SLC44A5: variants seen among roughly 807,000 people sequenced by gnomAD.
The protein encoded by SLC44A5 is solute carrier family 44 member 5.
A neutral mutation model predicts 101.8 loss-of-function variants in SLC44A5; 57 were observed. The ratio of observed to expected loss-of-function variants is 0.56; its 90% confidence interval spans 0.45 to 0.70. SLC44A5 has a LOEUF of 0.70. Among genes scored for constraint, SLC44A5 ranks in the 30% least tolerant of loss-of-function variants. SLC44A5 has a pLI of 0.00. For synonymous variants in SLC44A5, 281 were observed against 290.9 expected (o/e 0.97, Z 0.35); for missense variants, 737 against 853.1 (o/e 0.86, Z 1.70).
intron 1 of SLC44A5, among the ~76,000 whole-genome samples, chr1:75,609,843 C>A (rs1675548597): frequency 6.6e-6 from 1 of 151,968 alleles, no homozygotes; most frequent in Non-Finnish European, 1.5e-5. Context: ...GTTATGTAAC[C>A]TATTACCCCC....
At chr1:75,233,102 C>G (rs902625901) in intron 12 of SLC44A5, among the ~76,000 whole-genome samples, 2 of 152,126 alleles carry the variant, frequency 1.3e-5, no homozygotes, top group African/African-American at 2.4e-5. Flanking sequence ...GTGGTATATA[C>G]TGTTCCACGT....
chr1:75,675,457 G>A, the SLC44A5 span, among the ~76,000 whole-genome samples: 2 of 152,092 alleles, frequency 1.3e-5, no homozygotes, highest in Non-Finnish European at 2.9e-5. Context: ...TTTGCACATT[G>A]ATTTTGTATC....
chr1:75,644,000 T>C, the SLC44A5 span, among the ~76,000 whole-genome samples: 5 of 152,360 alleles, frequency 3.3e-5, no homozygotes, highest in East Asian at 9.6e-4. Flanking sequence ...AAAACACTTG[T>C]CTATGATAGA....
At chr1:75,342,558 G>A (rs986975866) in intron 3 of SLC44A5, among the ~76,000 whole-genome samples, 10 of 152,230 alleles carry the variant, frequency 6.6e-5, no homozygotes, top group South Asian at 2.1e-4. Context: ...AACAAAGCCT[G>A]TGTTGAACCA....
chr1:75,389,851 T>C (rs756231729), intron 3 of SLC44A5, among the ~76,000 whole-genome samples: 16 of 151,826 alleles, frequency 1.1e-4, no homozygotes, highest in Non-Finnish European at 2.4e-4. Flanking sequence ...CCAAAATTCA[T>C]TAAAAAGGAT....
intron 3 of SLC44A5, among the ~76,000 whole-genome samples, chr1:75,376,894 A>G (rs2101217116): frequency 6.6e-6 from 1 of 152,324 alleles, no homozygotes; most frequent in Non-Finnish European, 1.5e-5. Context: ...ACGGGAGGAC[A>G]TTCAAACCAA....
At chr1:75,346,102 C>A (rs773970091) in intron 3 of SLC44A5, among the ~76,000 whole-genome samples, 1 of 152,094 alleles carries the variant, frequency 6.6e-6, no homozygotes, top group Non-Finnish European at 1.5e-5. Flanking sequence ...CAGGCAGAAA[C>A]ATGACCCCAC....
Position 75,445,034 on chromosome 1 carries a change from A to G in SLC44A5, c.14-48413T>C, listed in dbSNP as rs148575552. Among the ~76,000 whole-genome samples the G allele has an allele frequency of 5.3e-3, 803 of 152,216 alleles. 6 individuals carry two copies. Among genetic ancestry groups the G allele is most frequent in the African/African-American group, 0.018 (755 of 41,536 alleles). ...TGAGACATCCTCTCTCTTGATGTAA[A>G]TTCTCTTGGTATTTCCTCATCTCAC... On this transcript the variant is annotated intron_variant, in intron 2 of 23. Transcript: ENST00000370859.
intron 2 of SLC44A5, among the ~76,000 whole-genome samples, chr1:75,476,238 C>T (rs553812497): frequency 1.3e-5 from 2 of 152,018 alleles, no homozygotes; most frequent in South Asian, 2.1e-4. Flanking sequence ...CAAGGTAGAG[C>T]ATTTAGAATT....
At chr1:75,681,257 T>G in the SLC44A5 span, among the ~76,000 whole-genome samples, 1 of 152,204 alleles carries the variant, frequency 6.6e-6, no homozygotes, top group Non-Finnish European at 1.5e-5. Context: ...ACTCAGTTTA[T>G]GAGGCCAGCA....
intron 2 of SLC44A5, among the ~76,000 whole-genome samples, chr1:75,435,342 A>G (rs17096873): frequency 0.23 from 35,633 of 152,124 alleles, 4,303 homozygotes; most frequent in African/African-American, 0.27. Flanking sequence ...TGGTTTTAAC[A>G]TGGAAATTAA....
the SLC44A5 span, among the ~76,000 whole-genome samples, chr1:75,675,017 T>C: frequency 6.6e-6 from 1 of 152,200 alleles, no homozygotes; most frequent in South Asian, 2.1e-4. Context: ...CTGTAGAGCC[T>C]TGTGGTAGTT....
intron 1 of SLC44A5, among the ~76,000 whole-genome samples, chr1:75,580,426 T>C (rs1305097225): frequency 3.3e-5 from 5 of 152,164 alleles, no homozygotes; most frequent in African/African-American, 4.8e-5. Context: ...ACAAGGTCCA[T>C]AGCTGCTTGT....
intron 2 of SLC44A5, among the ~76,000 whole-genome samples, chr1:75,528,778 T>C (rs1211550567): frequency 1.3e-5 from 2 of 152,208 alleles, no homozygotes; most frequent in Non-Finnish European, 2.9e-5. Flanking sequence ...GCCACTTCCC[T>C]TTCTTCCCAA....
intron 2 of SLC44A5, among the ~76,000 whole-genome samples, chr1:75,504,578 A>G (rs752645575): frequency 1.2e-4 from 19 of 152,124 alleles, no homozygotes; most frequent in Non-Finnish European, 2.6e-4. Context: ...TGTAGACACA[A>G]CCATAGATAT....
At chr1:75,318,947 C>T (rs908584379) in intron 4 of SLC44A5, among the ~76,000 whole-genome samples, 1 of 152,146 alleles carries the variant, frequency 6.6e-6, no homozygotes, top group East Asian at 1.9e-4. Flanking sequence ...CCAACCCCCC[C>T]TGCCAACGCA....
At chr1:75,389,296 G>C (rs1405802396) in intron 3 of SLC44A5, among the ~76,000 whole-genome samples, 1 of 151,952 alleles carries the variant, frequency 6.6e-6, no homozygotes, top group African/African-American at 2.4e-5. Flanking sequence ...AGAAATTCTG[G>C]ACTAAATTCA....
intron 5 of SLC44A5, among the ~76,000 whole-genome samples, chr1:75,283,441 CTG>C (rs1446231201): frequency 6.6e-6 from 1 of 152,122 alleles, no homozygotes; most frequent in Admixed American, 6.6e-5. Context: ...TTCTCCAACT[CTG>C]TGTGTTGTCT....
chr1:75,720,870 G>A, the SLC44A5 span, among the ~76,000 whole-genome samples: 1 of 151,858 alleles, frequency 6.6e-6, no homozygotes, highest in Admixed American at 6.6e-5. Context: ...TGGGGGGGTA[G>A]GCGGGGGGAG....
Sources: gnomAD v4.1 joint callset for allele counts (sites outside exome capture counted in the v4.1 genomes callset) on GRCh38, gnomAD v4.1.1 for gene constraint, MANE v1.5 for transcripts, NCBI Gene and HGNC (gene_info 2026-07-23, HGNC 2026-07-21) for gene names.